The following ARHGAP44 variants were observed in gnomAD, a reference collection of about 807,000 sequenced individuals.
ARHGAP44 encodes rho GTPase-activating protein 44.
In ARHGAP44, 43 loss-of-function variants were observed where a neutral mutation model predicts 106.8. The observed-to-expected ratio is 0.40, with a 90% CI of 0.32 to 0.52. The LOEUF (loss-of-function observed/expected upper bound fraction) is 0.52, where lower values mean the gene tolerates loss of function less well. Ranked by LOEUF, ARHGAP44 falls within the 20% of genes least tolerant of loss-of-function variation. ARHGAP44 has a pLI of 0.48. For missense variants in ARHGAP44, 866 were observed against 1,050.5 expected, an observed-to-expected ratio of 0.82 and a Z score of 2.43; for synonymous variants, 439 against 410.3, an observed-to-expected ratio of 1.07 and a Z score of -0.85.
At chr17:12,977,775 C>G (rs1412894026) in intron 18 of ARHGAP44, among the ~76,000 whole-genome samples, 1 of 152,072 alleles carries the variant, frequency 6.6e-6, no homozygotes, top group Non-Finnish European at 1.5e-5. Flanking sequence ...CGTGGTAGCT[C>G]ACGCCTGCAA....
chr17:12,921,048 T>A (rs2038069209), intron 6 of ARHGAP44, among the ~76,000 whole-genome samples: 1 of 152,082 alleles, frequency 6.6e-6, no homozygotes, highest in Non-Finnish European at 1.5e-5. Context: ...CCAACTTTAT[T>A]TTTTTATTTA....
intron 16 of ARHGAP44, among the ~76,000 whole-genome samples, chr17:12,967,041 C>T (rs1414543666): frequency 1.3e-5 from 2 of 151,306 alleles, no homozygotes; most frequent in Non-Finnish European, 2.9e-5. Context: ...CCTTTTTTCT[C>T]CCCCTCTTCT....
At chr17:12,921,207 C>T (rs1278150342) in intron 6 of ARHGAP44, among the ~76,000 whole-genome samples, 1 of 152,100 alleles carries the variant, frequency 6.6e-6, no homozygotes, top group East Asian at 1.9e-4. Flanking sequence ...GCTGGGATTA[C>T]AGGCACCTGC....
intron 16 of ARHGAP44, among the ~76,000 whole-genome samples, chr17:12,967,508 C>T (rs997622762): frequency 6.6e-6 from 1 of 152,068 alleles, no homozygotes; most frequent in Non-Finnish European, 1.5e-5. Flanking sequence ...TCATGGAGTG[C>T]CCGGGAAGGC....
chr17:12,926,093 G>A (rs1185050862), intron 6 of ARHGAP44, among the ~76,000 whole-genome samples: 2 of 152,062 alleles, frequency 1.3e-5, no homozygotes, highest in African/African-American at 4.8e-5. Flanking sequence ...GACCAGGCAC[G>A]GTGGCTCACG....
At chr17:12,811,268 G>A (rs539637333) in intron 1 of ARHGAP44, among the ~76,000 whole-genome samples, 10 of 148,532 alleles carry the variant, frequency 6.7e-5, no homozygotes, top group Admixed American at 2.7e-4. Flanking sequence ...AGCCGAGATC[G>A]CACCACTGCA....
At chr17:12,961,768 C>A (rs866932223) in intron 16 of ARHGAP44, among the ~76,000 whole-genome samples, 2 of 152,078 alleles carry the variant, frequency 1.3e-5, no homozygotes, top group Middle Eastern at 3.2e-3. Context: ...GAAGGTCTTA[C>A]CGGTTTAGGG....
chr17:12,936,988 AAT>A (rs532787639), intron 7 of ARHGAP44, among the ~76,000 whole-genome samples: 56 of 152,274 alleles, frequency 3.7e-4, no homozygotes, highest in Non-Finnish European at 6.2e-4. Context: ...AACAGCGGTA[AAT>A]AGTTCTTTGG....
rs1341782042 is a variant in ARHGAP44, at chr17:12,958,842, C to T, written c.1468C>T (p.Arg490Trp). ...ADRRQPEQAR[R>W]PLSVATDNMM... ...CCGGCGCCAGCCCGAGCAGGCCCGC[C>T]GGCCCCTCAGCGTCGCCACGGATAA... Residue 490 changes from arginine (R) to tryptophan (W), a missense_variant, in exon 16 of 21, where the codon CGG becomes TGG. Arg to Trp is a moderately radical substitution (Grantham distance 101). Transcript: ENST00000379672. This position sits in a 1 kb window ranked among gnomAD's most constrained non-coding sequence, Gnocchi z 4.1. The T allele has an allele frequency of 4.3e-6, 7 of 1,611,630 alleles. No individual in the cohort carries two copies. The highest frequency in any genetic ancestry group is 2.2e-5 in the South Asian group (2 of 90,654).
At chr17:12,884,658 A>G (rs536785668) in intron 1 of ARHGAP44, among the ~76,000 whole-genome samples, 1 of 152,278 alleles carries the variant, frequency 6.6e-6, no homozygotes, top group South Asian at 2.1e-4. Flanking sequence ...TGTTACCTCA[A>G]AAAGTTCCCT....
At position 12,803,145 on chromosome 17, in the gene ARHGAP44, T is replaced by C. The variant is rs183530451; in HGVS notation, c.53+13254T>C. Reference sequence around the variant, plus strand: ...CCACCACCAGGCGCCTGTATTTTTGTATTTTTAGTAGAGACAGGATTTCAC... The same window carrying C: ...CCACCACCAGGCGCCTGTATTTTTGCATTTTTAGTAGAGACAGGATTTCAC... On this transcript the variant is annotated intron_variant, in intron 1 of 20. Transcript: ENST00000379672. Among the ~76,000 whole-genome samples, 187 of 151,174 alleles carry C rather than the reference T, an allele frequency of 1.2e-3. 1 individual carries two copies. The highest frequency in any genetic ancestry group is 4.1e-3 in the African/African-American group (167 of 41,212).
intron 1 of ARHGAP44, among the ~76,000 whole-genome samples, chr17:12,872,699 T>G (rs2036438595): frequency 6.6e-6 from 1 of 152,184 alleles, no homozygotes; most frequent in Non-Finnish European, 1.5e-5. Flanking sequence ...CCCCTCACAG[T>G]TCAGGACCTT....
intron 6 of ARHGAP44, among the ~76,000 whole-genome samples, chr17:12,922,767 T>A (rs1264233953): frequency 6.6e-6 from 1 of 152,038 alleles, no homozygotes; most frequent in African/African-American, 2.4e-5. Context: ...CTCAGCTAAT[T>A]TTTGTATTTT....
chr17:12,939,395 GAGTT>G (rs1432279066), intron 7 of ARHGAP44, among the ~76,000 whole-genome samples: 3 of 152,144 alleles, frequency 2.0e-5, no homozygotes, highest in Non-Finnish European at 4.4e-5. Flanking sequence ...AAACCTAAGA[GAGTT>G]AGAGGAGAAT....
At chr17:12,939,600 G>A (rs373809971) in intron 7 of ARHGAP44, among the ~76,000 whole-genome samples, 32 of 151,944 alleles carry the variant, frequency 2.1e-4, no homozygotes, top group African/African-American at 7.0e-4. Flanking sequence ...AGAGTAGCTG[G>A]GACTACAGGC....
Position 12,919,851 on chromosome 17 carries a change from T to C in ARHGAP44, c.464+20T>C, listed in dbSNP as rs768486266. The C allele has an allele frequency of 4.7e-5, 75 of 1,602,406 alleles. No homozygotes were observed. The highest frequency in any genetic ancestry group is 5.0e-5 in the Non-Finnish European group (59 of 1,174,052). On this transcript the variant is annotated intron_variant, in intron 6 of 20. Transcript: ENST00000379672. The stretch of plus-strand genomic sequence containing the variant: ...AACCAGGTAGAATCTCTTTACTTTC[T>C]TTTTTGCTTCTTTGAAGGGACAGTG...
chr17:12,802,875 T>C, intron 1 of ARHGAP44, among the ~76,000 whole-genome samples: 1 of 137,188 alleles, frequency 7.3e-6, no homozygotes, highest in Non-Finnish European at 1.6e-5. Context: ...TCTTGTGCCT[T>C]AGCATCCTAA....
intron 16 of ARHGAP44, chr17:12,973,011 T>G: frequency 2.6e-6 from 1 of 387,046 alleles, no homozygotes. Context: ...GATGACTACT[T>G]TTACCAGTTT....
At chr17:12,936,449 T>C (rs1023684481) in intron 7 of ARHGAP44, among the ~76,000 whole-genome samples, 3 of 152,250 alleles carry the variant, frequency 2.0e-5, no homozygotes, top group Non-Finnish European at 2.9e-5. Context: ...TCCTACAGTA[T>C]GTAGCCTTTC....
Sources: gnomAD v4.1 joint callset for allele counts (sites outside exome capture counted in the v4.1 genomes callset) on GRCh38, gnomAD v4.1.1 for gene constraint, Gnocchi (gnomAD v3.1) non-coding constraint, MANE v1.5 for transcripts, NCBI Gene and HGNC (gene_info 2026-07-23, HGNC 2026-07-21) for gene names.